Variants in PIP5K1C observed in about 807,000 individuals in gnomAD.
PIP5K1C encodes phosphatidylinositol-4-phosphate 5-kinase type 1 gamma.
Under a neutral mutation model 80.1 loss-of-function variants are expected in PIP5K1C, and 45 were observed. The ratio of observed to expected loss-of-function variants is 0.56; its 90% CI spans 0.44 to 0.72. The LOEUF (loss-of-function observed/expected upper bound fraction) is 0.72, where lower values mean the gene tolerates loss of function less well. Among genes scored for constraint, PIP5K1C ranks in the 30% least tolerant of loss-of-function variants. The pLI, the probability that PIP5K1C is intolerant of heterozygous loss-of-function variation, is 0.00. For synonymous variants in PIP5K1C, 498 were observed against 420.1 expected (o/e 1.19, Z -2.27); for missense variants, 753 against 954.6 (o/e 0.79, Z 2.78).
rs2033774567 is a variant in PIP5K1C, at chr19:3,637,940, A to T, written c.1920+944T>A. 1 of 1,535,026 alleles carries T rather than the reference A, an allele frequency of 6.5e-7. No homozygotes were observed. Among genetic ancestry groups the T allele is most frequent in the Non-Finnish European group, 8.7e-7 (1 of 1,146,664 alleles). On this transcript the variant is annotated intron_variant, in intron 16 of 17. Transcript: ENST00000335312. The surrounding 1 kb of genome is among the most constrained non-coding windows in gnomAD (Gnocchi z 7.0). ...GTGACGACGTGCGGTGGGTAGGGGC[A>T]CAGGCACGCGGCCCGTCCCTCCCTT...
chr19:3,688,622 C>CA lies in PIP5K1C; in HGVS notation c.94+11674dup, dbSNP rs1046067156. On this transcript the variant is annotated intron_variant, in intron 1 of 17. Transcript: ENST00000335312. The surrounding 1 kb of genome is among the most constrained non-coding windows in gnomAD (Gnocchi z 5.3). The stretch of plus-strand genomic sequence containing the variant: ...GATTCTGCTGCTGAAATTGCCCCCC[C>CA]AGGCATTGTCCTCAGGTGGTTTCGT... Among the ~76,000 whole-genome samples the CA allele has an allele frequency of 2.6e-5, 4 of 152,172 alleles. No homozygotes were observed. The highest frequency in any genetic ancestry group is 7.2e-5 in the African/African-American group (3 of 41,424).
chr19:3,671,174 C>G (rs1600045580), intron 1 of PIP5K1C, among the ~76,000 whole-genome samples: 2 of 152,230 alleles, frequency 1.3e-5, no homozygotes, highest in Non-Finnish European at 2.9e-5. Flanking sequence ...TGCCCACAGT[C>G]CTGACTCTAC....
intron 8 of PIP5K1C, 131 bp downstream of exon 8, chr19:3,651,695 G>T (rs1483421843): frequency 6.5e-6 from 6 of 925,872 alleles, no homozygotes; most frequent in Non-Finnish European, 1.0e-5. Flanking sequence ...AAGGCTCCCA[G>T]ACTCTGTCTG....
chr19:3,676,685 A>T (rs929801205), intron 1 of PIP5K1C, among the ~76,000 whole-genome samples: 2 of 152,250 alleles, frequency 1.3e-5, no homozygotes, highest in African/African-American at 4.8e-5. Context: ...CCCAAAGTCA[A>T]CGGTGAAAAA....
rs1004685307 is a variant in PIP5K1C at position 3,642,994 on chromosome 19, A to G, written c.1650-55T>C. On this transcript the variant is annotated intron_variant, in intron 13 of 17. Transcript: ENST00000335312. ...CAGAAAGAGAGTGGCCCGCCTGCTC[A>G]GTCTACCTGCCTTGCCTACCCGCCT... is the stretch of plus-strand genomic sequence containing the variant. The G allele has an allele frequency of 3.0e-5, 48 of 1,599,588 alleles. No homozygotes were observed. In the Admixed American group the frequency reaches 7.8e-4, roughly 26 times the overall value.
At chr19:3,687,297 G>A (rs1382511671) in intron 1 of PIP5K1C, among the ~76,000 whole-genome samples, 1 of 151,636 alleles carries the variant, frequency 6.6e-6, no homozygotes, top group Non-Finnish European at 1.5e-5. Flanking sequence ...GGGAGGCGGA[G>A]GTTGCAGTGA....
chr19:3,682,449 G>A (rs2035618311), intron 1 of PIP5K1C, among the ~76,000 whole-genome samples: 1 of 151,890 alleles, frequency 6.6e-6, no homozygotes, highest in Admixed American at 6.6e-5. Context: ...GGAGGCCGAG[G>A]TGGGAGGATT....
At chr19:3,673,305 C>G (rs944287512) in intron 1 of PIP5K1C, among the ~76,000 whole-genome samples, 1 of 152,238 alleles carries the variant, frequency 6.6e-6, no homozygotes, top group South Asian at 2.1e-4. Flanking sequence ...AACATCACCC[C>G]TCAGAGGCCT....
At chr19:3,651,116 G>A (rs935522565) in intron 8 of PIP5K1C, among the ~76,000 whole-genome samples, 6 of 149,748 alleles carry the variant, frequency 4.0e-5, no homozygotes, top group Non-Finnish European at 5.9e-5. Flanking sequence ...GTGCAGTGGT[G>A]TGATCTTGGC....
chr19:3,698,500 A>G (rs1360116630), intron 1 of PIP5K1C, among the ~76,000 whole-genome samples: 1 of 152,208 alleles, frequency 6.6e-6, no homozygotes, highest in East Asian at 1.9e-4. Context: ...CAGTTCACAG[A>G]GTCATAAACG....
At chr19:3,663,081 G>A (rs151125203) in intron 3 of PIP5K1C, among the ~76,000 whole-genome samples, 1 of 152,268 alleles carries the variant, frequency 6.6e-6, no homozygotes, top group East Asian at 1.9e-4. Context: ...GCCCAGGCTG[G>A]TCTCCAACTC....
chr19:3,656,785 C>T (rs1180837547), intron 5 of PIP5K1C, among the ~76,000 whole-genome samples: 1 of 152,212 alleles, frequency 6.6e-6, no homozygotes, highest in Non-Finnish European at 1.5e-5. Flanking sequence ...TGCTAGGGCG[C>T]ACTCCCCAGG....
chr19:3,638,001 G>A (rs1327256643), intron 16 of PIP5K1C: 1 of 1,519,826 alleles, frequency 6.6e-7, no homozygotes, highest in Non-Finnish European at 8.8e-7. Flanking sequence ...GACCCCAGAG[G>A]CGCCACTGGA....
At position 3,688,958 on chromosome 19, in the gene PIP5K1C, T is replaced by C. The variant is rs1396480790; in HGVS notation, c.94+11339A>G. On this transcript the variant is annotated intron_variant, in intron 1 of 17. Coordinates refer to ENST00000335312, the MANE Select transcript of PIP5K1C (RefSeq NM_012398.3). This position sits in a 1 kb window ranked among gnomAD's most constrained non-coding sequence, Gnocchi z 5.3. ...GAGTGCCCGGGATGGGGCTGGGGGG[T>C]GGGGGGGGCTTGGCGCACGCGGCCT... Among the ~76,000 whole-genome samples, 3 of 146,122 alleles carry C rather than the reference T, an allele frequency of 2.1e-5. No individual in the cohort carries two copies. The highest frequency in any genetic ancestry group is 2.3e-4 in the South Asian group (1 of 4,372).
At chr19:3,643,044 G>C in intron 13 of PIP5K1C, 105 bp from the exon 14 acceptor site, 1 of 1,490,542 alleles carries the variant, frequency 6.7e-7, no homozygotes, top group South Asian at 1.1e-5. Flanking sequence ...TGGCAGCCCT[G>C]CCCACCTGTA....
At chr19:3,690,528 G>A (rs988012961) in intron 1 of PIP5K1C, among the ~76,000 whole-genome samples, 2 of 150,576 alleles carry the variant, frequency 1.3e-5, no homozygotes, top group African/African-American at 4.9e-5. Flanking sequence ...AAGAAGCTAA[G>A]TTATAAAAGT....
intron 14 of PIP5K1C, among the ~76,000 whole-genome samples, chr19:3,642,120 T>C (rs2145398307): frequency 6.6e-6 from 1 of 152,310 alleles, no homozygotes; most frequent in East Asian, 1.9e-4. Flanking sequence ...GCCGAGGCCC[T>C]GACACAAGTG....
chr19:3,634,474 G>A (rs891831747), intron 16 of PIP5K1C, among the ~76,000 whole-genome samples: 19 of 152,164 alleles, frequency 1.2e-4, no homozygotes, highest in Admixed American at 9.2e-4. Flanking sequence ...GCCTGGCCTC[G>A]GCCTGAAGTG....
intron 1 of PIP5K1C, among the ~76,000 whole-genome samples, chr19:3,678,428 G>A (rs1293283436): frequency 1.4e-4 from 18 of 130,882 alleles, no homozygotes; most frequent in Non-Finnish European, 2.8e-4. Context: ...AGGATGGAGG[G>A]ATGGAGGATG....
Sources: allele counts gnomAD v4.1 joint callset (sites outside exome capture counted in the v4.1 genomes callset), GRCh38; gene constraint gnomAD v4.1.1; non-coding constraint Gnocchi (gnomAD v3.1); transcripts MANE v1.5; gene names NCBI Gene and HGNC (gene_info 2026-07-23, HGNC 2026-07-21).